Variants in STEAP1B observed in about 807,000 individuals in gnomAD.
The protein encoded by STEAP1B is STEAP family protein MGC87042.
STEAP1B carries 13 observed loss-of-function variants against 27.9 expected under a neutral mutation model. The observed-to-expected ratio is 0.47, with a 90% CI of 0.30 to 0.74. The LOEUF is 0.74. STEAP1B is among the 30% of genes least tolerant of loss of function. STEAP1B has a pLI of 0.06. For synonymous variants in STEAP1B, 86 were observed against 107.1 expected (o/e 0.80, Z 1.22); for missense variants, 250 against 298.7 (o/e 0.84, Z 1.20).
chr7:22,438,728 A>T, intron 4 of STEAP1B: 1 of 1,551,682 alleles, frequency 6.4e-7, no homozygotes, highest in African/African-American at 1.4e-5. Flanking sequence ...AAGTTGCACA[A>T]AGCTACCAGG....
At chr7:22,468,875 CT>C (rs1469801383) in intron 4 of STEAP1B, among the ~76,000 whole-genome samples, 1 of 152,178 alleles carries the variant, frequency 6.6e-6, no homozygotes, top group Non-Finnish European at 1.5e-5. Context: ...ATAAACAAAC[CT>C]ATTGCACTGC....
intron 4 of STEAP1B, among the ~76,000 whole-genome samples, chr7:22,475,621 G>A (rs1361293583): frequency 6.6e-6 from 1 of 152,186 alleles, no homozygotes; most frequent in Non-Finnish European, 1.5e-5. Flanking sequence ...CCCCCAGCCT[G>A]CATGGTAAAC....
intron 4 of STEAP1B, among the ~76,000 whole-genome samples, chr7:22,464,140 C>A (rs1785729935): frequency 6.6e-6 from 1 of 152,210 alleles, no homozygotes; most frequent in South Asian, 2.1e-4. Flanking sequence ...GTTCATTATT[C>A]ACTTGAGGTG....
chr7:22,456,389 G>C (rs774059706), intron 4 of STEAP1B, among the ~76,000 whole-genome samples: 13 of 152,164 alleles, frequency 8.5e-5, no homozygotes, highest in Non-Finnish European at 1.9e-4. Flanking sequence ...CCCTGTCATG[G>C]TGCTTTATAA....
At chr7:22,465,572 T>C (rs1785763446) in intron 4 of STEAP1B, among the ~76,000 whole-genome samples, 1 of 152,172 alleles carries the variant, frequency 6.6e-6, no homozygotes, top group African/African-American at 2.4e-5. Context: ...TTTGTTATTG[T>C]TATGTACGAT....
chr7:22,496,869 A>C (rs1259929559), intron 1 of STEAP1B, among the ~76,000 whole-genome samples: 2 of 152,272 alleles, frequency 1.3e-5, no homozygotes, highest in African/African-American at 4.8e-5. Flanking sequence ...TAACTATAAC[A>C]AAGGATAACG....
intron 4 of STEAP1B, among the ~76,000 whole-genome samples, chr7:22,466,414 C>A (rs1006073507): frequency 7.4e-6 from 1 of 136,006 alleles, no homozygotes; most frequent in South Asian, 2.6e-4. Context: ...CTACTGTTTT[C>A]TTTGTGTCCA....
chr7:22,438,516 C>G, intron 4 of STEAP1B: 1 of 1,551,138 alleles, frequency 6.4e-7, no homozygotes, highest in South Asian at 1.2e-5. Flanking sequence ...TCAGCAATAA[C>G]TTGTCTTTTT....
intron 4 of STEAP1B, among the ~76,000 whole-genome samples, chr7:22,490,975 G>A (rs767359836): frequency 1.3e-5 from 2 of 152,208 alleles, no homozygotes; most frequent in Non-Finnish European, 2.9e-5. Flanking sequence ...AGCAGTACGT[G>A]ATATATCTAA....
At chr7:22,425,729 T>C (rs186027234) in intron 4 of STEAP1B, among the ~76,000 whole-genome samples, 1 of 152,322 alleles carries the variant, frequency 6.6e-6, no homozygotes, top group Admixed American at 6.5e-5. Flanking sequence ...GCAGCCTAAA[T>C]GAACTGCAGG....
chr7:22,442,656 C>T (rs1201925339), intron 4 of STEAP1B, among the ~76,000 whole-genome samples: 1 of 152,214 alleles, frequency 6.6e-6, no homozygotes. Flanking sequence ...ATGCCTTTGA[C>T]AGAGTTGGAA....
intron 4 of STEAP1B, among the ~76,000 whole-genome samples, chr7:22,480,363 T>C (rs1786047292): frequency 6.6e-6 from 1 of 152,228 alleles, no homozygotes; most frequent in African/African-American, 2.4e-5. Flanking sequence ...ATTCTGAGAC[T>C]GTAGTCACAG....
chr7:22,422,013 T>C (rs1223120855), intron 4 of STEAP1B, among the ~76,000 whole-genome samples: 1 of 152,270 alleles, frequency 6.6e-6, no homozygotes, highest in Non-Finnish European at 1.5e-5. Flanking sequence ...TTTCAACAAA[T>C]ATGGTAGAAC....
At position 22,493,527 on chromosome 7, in the gene STEAP1B, G is replaced by A. The variant is rs1169747544; in HGVS notation, c.394C>T (p.Pro132Ser). ...TGGACAATTGCTGCTATCACACCTG[G>A]TAGGTAAACCAATGCCAAGAGAGTG... The part of the protein sequence containing the change: ...SITLLALVYL[P>S]GVIAAIVQVH... The change falls in exon 3 of 5, where the codon CCA becomes TCA. Residue 132 changes from proline (P) to serine (S), a missense_variant. Physicochemically the swap from Pro to Ser is moderately conservative, Grantham distance 74. Transcript: ENST00000678116. 1 of 1,613,874 alleles carries A rather than the reference G, an allele frequency of 6.2e-7. No individual in the cohort carries two copies. Among genetic ancestry groups the A allele is most frequent in the South Asian group, 1.1e-5 (1 of 91,068 alleles).
chr7:22,473,239 G>A (rs527313029), intron 4 of STEAP1B, among the ~76,000 whole-genome samples: 1 of 152,296 alleles, frequency 6.6e-6, no homozygotes, highest in African/African-American at 2.4e-5. Flanking sequence ...CCAGCCCTTG[G>A]AAGGGAAAGA....
chr7:22,451,688 A>G (rs1003891141), intron 4 of STEAP1B, among the ~76,000 whole-genome samples: 1 of 152,136 alleles, frequency 6.6e-6, no homozygotes, highest in African/African-American at 2.4e-5. Context: ...TATCATATTG[A>G]TTGATTTGTG....
At chr7:22,435,882 C>A (rs932447721) in intron 4 of STEAP1B, among the ~76,000 whole-genome samples, 1 of 152,228 alleles carries the variant, frequency 6.6e-6, no homozygotes, top group African/African-American at 2.4e-5. Flanking sequence ...CTCCACCCTA[C>A]TCCTGCTTCT....
chr7:22,422,872 A>G (rs866992392), intron 4 of STEAP1B, among the ~76,000 whole-genome samples: 1 of 152,350 alleles, frequency 6.6e-6, no homozygotes, highest in Middle Eastern at 3.4e-3. Flanking sequence ...CATATGACAA[A>G]ATCTCTAGGA....
chr7:22,466,304 C>CAGAT (rs2128409415), intron 4 of STEAP1B, among the ~76,000 whole-genome samples: 1 of 152,162 alleles, frequency 6.6e-6, no homozygotes, highest in African/African-American at 2.4e-5. Flanking sequence ...GTTTGGTGTA[C>CAGAT]AGATTATTTC....
Sources: gnomAD v4.1 joint callset for allele counts (sites outside exome capture counted in the v4.1 genomes callset) on GRCh38, gnomAD v4.1.1 for gene constraint, MANE v1.5 for transcripts, NCBI Gene and HGNC (gene_info 2026-07-23, HGNC 2026-07-21) for gene names.